GLYATL1: variants seen among roughly 807,000 people sequenced by gnomAD.
GLYATL1 encodes glycine N-acyltransferase-like protein 1.
A neutral mutation model predicts 20.0 loss-of-function variants in GLYATL1; 15 were observed. The observed-to-expected ratio is 0.75, with a 90% CI of 0.50 to 1.15. The LOEUF is 1.15. Ranked by LOEUF, GLYATL1 falls within the 50% of genes most tolerant of loss-of-function variation. GLYATL1 has a pLI of 0.00. For synonymous variants in GLYATL1, 151 were observed against 131.5 expected (o/e 1.15, Z -1.01); for missense variants, 380 against 368.5 (o/e 1.03, Z -0.26).
intron 5 of GLYATL1, 130 bp downstream of exon 5, chr11:58,955,026 G>A: frequency 8.0e-7 from 1 of 1,256,610 alleles, no homozygotes; most frequent in Non-Finnish European, 1.1e-6. Flanking sequence ...GGGAGAGGTG[G>A]AGCAATCTGT....
chr11:58,906,874 G>T (rs1218955000), intron 1 of GLYATL1, among the ~76,000 whole-genome samples: 1 of 152,144 alleles, frequency 6.6e-6, no homozygotes, highest in African/African-American at 2.4e-5. Flanking sequence ...CATTTGAGGC[G>T]GGGGTTGTGG....
At chr11:58,909,080 C>T (rs918061438), downstream of GLYATL1, among the ~76,000 whole-genome samples, 1 of 152,040 alleles carries the variant, frequency 6.6e-6, no homozygotes, top group African/African-American at 2.4e-5. Context: ...AATGATAATA[C>T]TAAATTGAGA....
Position 58,906,042 on chromosome 11 carries a change from T to C in GLYATL1, n.238+381T>C, listed in dbSNP as rs573085649. 6.6e-5 allele frequency among the ~76,000 whole-genome samples: 10 copies of C among 152,278 alleles called. 1 individual carries two copies. The East Asian group carries it at 1.7e-3, about 27-fold the overall frequency. ...GCTTAGACAGGCAAGAGAGAAGTCTTCCCAACACCTGCGAATCGGGAGCAG... is the reference window on the plus strand; with the variant it reads ...GCTTAGACAGGCAAGAGAGAAGTCTCCCCAACACCTGCGAATCGGGAGCAG... On this transcript the variant is annotated intron_variant and non_coding_transcript_variant, in intron 1 of 1. Coordinates refer to the GLYATL1 transcript ENST00000524629.
intron 4 of GLYATL1, among the ~76,000 whole-genome samples, chr11:58,949,607 C>A (rs972008425): frequency 4.0e-5 from 6 of 151,462 alleles, no homozygotes; most frequent in African/African-American, 1.5e-4. Context: ...TTGCTTTGAA[C>A]AAAGTTAGTT....
At position 58,944,945 on chromosome 11, in the gene GLYATL1, G is replaced by T. The variant is rs536502101; in HGVS notation, c.-43+1279G>T. Reference sequence around the variant, plus strand: ...AGACCCAAATGGACCAATATCATCGGATTCCATGATATATGAAGTACCCAG... The same window carrying T: ...AGACCCAAATGGACCAATATCATCGTATTCCATGATATATGAAGTACCCAG... On this transcript the variant is annotated intron_variant, in intron 2 of 6. Coordinates refer to ENST00000532726, the MANE Select transcript of GLYATL1 (RefSeq NM_001389712.2). 2.6e-5 allele frequency among the ~76,000 whole-genome samples: 4 copies of T among 151,132 alleles called. No homozygotes were observed. In the South Asian group the frequency reaches 8.3e-4, roughly 31 times the overall value.
chr11:58,949,620 T>C (rs1325934997), intron 4 of GLYATL1, among the ~76,000 whole-genome samples: 4 of 152,000 alleles, frequency 2.6e-5, no homozygotes, highest in Non-Finnish European at 5.9e-5. Flanking sequence ...AGTTAGTTTT[T>C]ACAGTGAGTC....
At chr11:58,938,092 C>T (rs1855917854), upstream of GLYATL1, among the ~76,000 whole-genome samples, 1 of 152,194 alleles carries the variant, frequency 6.6e-6, no homozygotes. Flanking sequence ...TGTATGCTTA[C>T]AACCTCAAAA....
chr11:58,950,225 A>G (rs1359911471), intron 4 of GLYATL1, among the ~76,000 whole-genome samples: 1 of 149,608 alleles, frequency 6.7e-6, no homozygotes, highest in East Asian at 2.0e-4. Context: ...CGGGAGGCGG[A>G]GCTTGCAGTG....
At chr11:58,927,662 T>C (rs1181129056), upstream of GLYATL1, 1 of 146,502 alleles carries the variant, frequency 6.8e-6, no homozygotes, top group Non-Finnish European at 1.5e-5. Flanking sequence ...GCAATGCAGC[T>C]CTAGCTTCTA....
chr11:58,937,851 G>A (rs1285365692), upstream of GLYATL1, among the ~76,000 whole-genome samples: 2 of 152,142 alleles, frequency 1.3e-5, no homozygotes, highest in Non-Finnish European at 2.9e-5. Context: ...TATGAAAGAA[G>A]CATCCCAGAG....
At chr11:58,924,900 G>C (rs1267532580), upstream of GLYATL1, among the ~76,000 whole-genome samples, 1 of 152,224 alleles carries the variant, frequency 6.6e-6, no homozygotes, top group East Asian at 1.9e-4. Context: ...GGCAGATTCA[G>C]AAGATGAGCT....
chr11:58,923,923 TTCTTTC>T (rs1324346979), upstream of GLYATL1, among the ~76,000 whole-genome samples: 2 of 152,156 alleles, frequency 1.3e-5, no homozygotes, highest in Non-Finnish European at 2.9e-5. Context: ...GCCCTTTTAT[TTCTTTC>T]TCTTTTTTTA....
At chr11:58,926,724 G>A (rs1427123565), upstream of GLYATL1, among the ~76,000 whole-genome samples, 1 of 152,336 alleles carries the variant, frequency 6.6e-6, no homozygotes, top group Admixed American at 6.5e-5. Flanking sequence ...TAATCATTAA[G>A]ATGGCAAGCT....
intron 1 of GLYATL1, among the ~76,000 whole-genome samples, chr11:58,931,344 A>G (rs1855593155): frequency 6.6e-6 from 1 of 152,180 alleles, no homozygotes; most frequent in Non-Finnish European, 1.5e-5. Flanking sequence ...AAGTTTATCA[A>G]GAAGAAATGT....
chr11:58,925,688 C>A (rs11229696), upstream of GLYATL1, among the ~76,000 whole-genome samples: 1 of 152,180 alleles, frequency 6.6e-6, no homozygotes, highest in Non-Finnish European at 1.5e-5. Flanking sequence ...CATAAAACTG[C>A]TGGTTTTATG....
chr11:58,944,609 CATGTTT>C (rs1234140942), intron 2 of GLYATL1, among the ~76,000 whole-genome samples: 1 of 152,042 alleles, frequency 6.6e-6, no homozygotes, highest in African/African-American at 2.4e-5. Context: ...AAACAATTTT[CATGTTT>C]ATTTATTCCC....
At chr11:58,953,568 T>TTACAATTTTA in intron 4 of GLYATL1, among the ~76,000 whole-genome samples, 1 of 152,090 alleles carries the variant, frequency 6.6e-6, no homozygotes, top group South Asian at 2.1e-4. Context: ...TTTATAGCTT[T>TTACAATTTTA]CATTTTTACA....
At chr11:58,926,379 T>C (rs1414450114), upstream of GLYATL1, among the ~76,000 whole-genome samples, 2 of 152,218 alleles carry the variant, frequency 1.3e-5, no homozygotes, top group Non-Finnish European at 2.9e-5. Context: ...TGGGCTTGAA[T>C]ATGTGTAATA....
downstream of GLYATL1, among the ~76,000 whole-genome samples, chr11:58,910,481 C>A (rs141810496): frequency 6.3e-4 from 96 of 152,258 alleles, no homozygotes; most frequent in East Asian, 0.016. Flanking sequence ...GCACTAATCA[C>A]ATATCAAATA....
Sources: allele counts gnomAD v4.1 joint callset (sites outside exome capture counted in the v4.1 genomes callset), GRCh38; gene constraint gnomAD v4.1.1; transcripts MANE v1.5; gene names NCBI Gene and HGNC (gene_info 2026-07-23, HGNC 2026-07-21).